Variants in ZFYVE9 observed in about 807,000 individuals in gnomAD.
The protein encoded by ZFYVE9 is zinc finger FYVE-type containing 9, also known as zinc finger FYVE domain-containing protein 9.
In ZFYVE9, 43 loss-of-function variants were observed where a neutral mutation model predicts 126.7. The ratio of observed to expected loss-of-function variants is 0.34; its 90% CI spans 0.27 to 0.44. ZFYVE9 has a LOEUF of 0.44. Among genes scored for constraint, ZFYVE9 ranks in the 20% least tolerant of loss-of-function variants. The pLI is 1.00. For missense variants in ZFYVE9, 1,476 were observed against 1,697.0 expected, an observed-to-expected ratio of 0.87 and a Z score of 2.29; for synonymous variants, 521 against 597.4, an observed-to-expected ratio of 0.87 and a Z score of 1.87.
intron 18 of ZFYVE9, among the ~76,000 whole-genome samples, chr1:52,345,242 A>G (rs1646473276): frequency 6.6e-6 from 1 of 152,128 alleles, no homozygotes; most frequent in Non-Finnish European, 1.5e-5. Context: ...TCCTGCCTTG[A>G]TGTTTACAAA....
chr1:52,217,864 C>G (rs187583749), intron 2 of ZFYVE9, among the ~76,000 whole-genome samples: 4 of 152,274 alleles, frequency 2.6e-5, no homozygotes, highest in East Asian at 3.9e-4. Context: ...TTGGCCAACA[C>G]CATGTCAAGG....
intron 13 of ZFYVE9, among the ~76,000 whole-genome samples, chr1:52,316,178 A>AAG (rs1553135416): frequency 1.4e-5 from 2 of 148,002 alleles, no homozygotes; most frequent in East Asian, 2.0e-4. Flanking sequence ...AAAAAAAAAA[A>AAG]AAAAAAAAAA....
intron 1 of ZFYVE9, among the ~76,000 whole-genome samples, chr1:52,175,663 T>A (rs2124531124): frequency 6.6e-6 from 1 of 152,304 alleles, no homozygotes; most frequent in Middle Eastern, 3.4e-3. Flanking sequence ...AGATTTGGTC[T>A]TTTCACATAG....
chr1:52,190,690 T>A (rs550222161), intron 1 of ZFYVE9, among the ~76,000 whole-genome samples: 2 of 152,356 alleles, frequency 1.3e-5, no homozygotes, highest in African/African-American at 4.8e-5. Flanking sequence ...TCTGTGTGTA[T>A]GTGAGTCACA....
intron 1 of ZFYVE9, among the ~76,000 whole-genome samples, chr1:52,193,343 A>T (rs970331453): frequency 2.1e-4 from 31 of 150,608 alleles, no homozygotes; most frequent in African/African-American, 7.1e-4. Context: ...AATTAATTTT[A>T]AAACAAAAGC....
chr1:52,278,400 T>C, intron 8 of ZFYVE9, 92 bp from the exon 9 acceptor site: 1 of 1,524,644 alleles, frequency 6.6e-7, no homozygotes, highest in Admixed American at 1.7e-5. Context: ...TGCATGTCTC[T>C]TTTCTGTGAA....
rs569848551 is a variant in ZFYVE9 at position 52,293,741 on chromosome 1, C to T, written c.3250+64C>T. On this transcript the variant is annotated intron_variant, in intron 11 of 18. Coordinates refer to ENST00000287727, the MANE Select transcript of ZFYVE9 (RefSeq NM_004799.4). ...AAAATAATGCCTGAAATATTCAGAG[C>T]CCTCTGTTTGGTGATATAATTCAGC... The T allele has an allele frequency of 1.2e-5, 17 of 1,452,574 alleles. No individual in the cohort carries two copies. The South Asian group carries it at 1.8e-4, about 16-fold the overall frequency. 90.0% of individuals were successfully genotyped at this position (1,452,574 alleles called of 1,614,324 possible).
At chr1:52,276,130 A>G (rs998179363) in intron 8 of ZFYVE9, among the ~76,000 whole-genome samples, 4 of 150,648 alleles carry the variant, frequency 2.7e-5, no homozygotes, top group African/African-American at 9.8e-5. Context: ...CTGGTCTTGA[A>G]CTCTTGACCT....
At chr1:52,212,123 T>C (rs1316926771) in intron 1 of ZFYVE9, among the ~76,000 whole-genome samples, 1 of 152,208 alleles carries the variant, frequency 6.6e-6, no homozygotes, top group Non-Finnish European at 1.5e-5. Context: ...AGTTTTTATA[T>C]TTCAAAGTAA....
chr1:52,167,427 T>A (rs1054175097), intron 1 of ZFYVE9, among the ~76,000 whole-genome samples: 1 of 152,128 alleles, frequency 6.6e-6, no homozygotes, highest in Admixed American at 6.6e-5. Flanking sequence ...GATGGATAAA[T>A]GAAATTGCAC....
intron 10 of ZFYVE9, among the ~76,000 whole-genome samples, chr1:52,291,528 G>T (rs1203820660): frequency 6.6e-6 from 1 of 152,156 alleles, no homozygotes; most frequent in Non-Finnish European, 1.5e-5. Context: ...ATGAAGGGTT[G>T]ATATGTTTGT....
At chr1:52,146,265 G>T (rs1269344672) in intron 1 of ZFYVE9, among the ~76,000 whole-genome samples, 1 of 152,038 alleles carries the variant, frequency 6.6e-6, no homozygotes, top group Non-Finnish European at 1.5e-5. Flanking sequence ...GTATCCTGTG[G>T]GTTCCTGGAA....
At chr1:52,289,108 C>A (rs1645893247) in intron 10 of ZFYVE9, among the ~76,000 whole-genome samples, 1 of 151,960 alleles carries the variant, frequency 6.6e-6, no homozygotes. Context: ...AGATGGCTGG[C>A]TACTTATAAG....
At chr1:52,242,512 A>T (rs1645344551) in intron 4 of ZFYVE9, among the ~76,000 whole-genome samples, 1 of 152,098 alleles carries the variant, frequency 6.6e-6, no homozygotes, top group Non-Finnish European at 1.5e-5. Flanking sequence ...TTAAACAATA[A>T]GTGAATACTG....
chr1:52,246,412 G>A (rs1300659192), intron 4 of ZFYVE9, among the ~76,000 whole-genome samples: 1 of 152,064 alleles, frequency 6.6e-6, no homozygotes, highest in Non-Finnish European at 1.5e-5. Context: ...GAATTTAGAT[G>A]TGAATAGAGA....
At chr1:52,277,202 TAAAATACCTATTGTTAG>T in intron 8 of ZFYVE9, among the ~76,000 whole-genome samples, 1 of 134,358 alleles carries the variant, frequency 7.4e-6, no homozygotes, top group Non-Finnish European at 1.8e-5. Flanking sequence ...CTATTGTTAG[TAAAATACCTATTGTTAG>T]TAAAATTATC....
chr1:52,297,721 TTTGTTTTG>T lies in ZFYVE9; in HGVS notation c.3333+1747_3333+1754del, dbSNP rs550763018. Among the ~76,000 whole-genome samples, 1,105 of 145,956 alleles carry T rather than the reference TTTGTTTTG, an allele frequency of 7.6e-3. 14 individuals are homozygous for T. Among genetic ancestry groups the T allele is most frequent in the African/African-American group, 0.029 (1,066 of 36,810 alleles). On this transcript the variant is annotated intron_variant, in intron 12 of 18. Transcript: ENST00000287727. ...TTTTTTTTTTATTTCTTTAAAAAAT[TTTGTTTTG>T]TTTTGTTTTTTGGGACAGAGTCTCG...
intron 13 of ZFYVE9, among the ~76,000 whole-genome samples, chr1:52,308,446 C>T (rs1422166893): frequency 6.6e-6 from 1 of 152,158 alleles, no homozygotes; most frequent in Non-Finnish European, 1.5e-5. Context: ...CTTGGCTTCC[C>T]TAAGTGCTGG....
chr1:52,188,413 A>G lies in ZFYVE9; in HGVS notation c.-142-27956A>G, dbSNP rs1005475339. ...CCTGGGTGACAAAATAATTTGTACA[A>G]TAAACCCCTGTGACATGAGTTTACC... is the stretch of plus-strand genomic sequence containing the variant. On this transcript the variant is annotated intron_variant, in intron 1 of 18. Transcript: ENST00000287727. 6.6e-5 allele frequency among the ~76,000 whole-genome samples: 10 copies of G among 152,188 alleles called. No individual in the cohort carries two copies. In the East Asian group the frequency reaches 7.7e-4, roughly 12 times the overall value.
Sources: gnomAD v4.1 joint callset for allele counts (sites outside exome capture counted in the v4.1 genomes callset) on GRCh38, gnomAD v4.1.1 for gene constraint, MANE v1.5 for transcripts, NCBI Gene and HGNC (gene_info 2026-07-23, HGNC 2026-07-21) for gene names.